Variants in SHANK2 observed in about 807,000 individuals in gnomAD.
SHANK2 encodes the protein SH3 and multiple ankyrin repeat domains protein 2.
Under a neutral mutation model 133.7 loss-of-function variants are expected in SHANK2, and 43 were observed. The observed-to-expected ratio is 0.32, with a 90% CI of 0.25 to 0.41. The LOEUF (loss-of-function observed/expected upper bound fraction) is 0.41, where lower values mean the gene tolerates loss of function less well. Among genes scored for constraint, SHANK2 ranks in the 10% least tolerant of loss-of-function variants. The pLI, the probability that SHANK2 is intolerant of heterozygous loss-of-function variation, is 1.00. For missense variants in SHANK2, 1,994 were observed against 2,235.8 expected (o/e 0.89, Z 2.18); for synonymous variants, 1,017 against 952.8 (o/e 1.07, Z -1.24).
intron 1 of SHANK2, among the ~76,000 whole-genome samples, chr11:71,250,230 A>C (rs1399710214): frequency 2.6e-5 from 4 of 152,126 alleles, no homozygotes; most frequent in Admixed American, 1.3e-4. Flanking sequence ...GTTACCTTTG[A>C]TACTTGAATT....
intron 17 of SHANK2, among the ~76,000 whole-genome samples, chr11:70,554,556 C>T (rs868963998): frequency 1.3e-5 from 2 of 152,200 alleles, no homozygotes; most frequent in Non-Finnish European, 2.9e-5. Context: ...CTCCTCCCCC[C>T]TCCCCCAGGT....
chr11:70,480,792 G>C (rs1490820948), intron 25 of SHANK2, among the ~76,000 whole-genome samples: 1 of 152,228 alleles, frequency 6.6e-6, no homozygotes, highest in African/African-American at 2.4e-5. Context: ...AAGTAGCTCA[G>C]TGAACTCCTG....
intron 17 of SHANK2, among the ~76,000 whole-genome samples, chr11:70,531,177 AAAAAC>A (rs1198589956): frequency 4.1e-5 from 6 of 146,232 alleles, no homozygotes; most frequent in Non-Finnish European, 9.0e-5. Flanking sequence ...AAAAAAAAAA[AAAAAC>A]AAAAAGGCTA....
intron 8 of SHANK2, among the ~76,000 whole-genome samples, chr11:71,085,751 T>A (rs1179292237): frequency 1.3e-5 from 1 of 77,430 alleles, no homozygotes; most frequent in Non-Finnish European, 2.2e-5. Flanking sequence ...ATATAATATA[T>A]TATGTTATAT....
intron 11 of SHANK2, among the ~76,000 whole-genome samples, chr11:70,883,776 G>A (rs556858404): frequency 2.7e-4 from 41 of 152,320 alleles, no homozygotes; most frequent in African/African-American, 9.6e-4. Flanking sequence ...CCTGGGCTAG[G>A]ACATGTGCCC....
intron 17 of SHANK2, among the ~76,000 whole-genome samples, chr11:70,618,475 C>T (rs1319025395): frequency 2.6e-5 from 4 of 152,140 alleles, no homozygotes; most frequent in Non-Finnish European, 5.9e-5. Context: ...TCTAGAATCC[C>T]AGGGCCACCC....
intron 17 of SHANK2, among the ~76,000 whole-genome samples, chr11:70,566,208 A>G (rs1397082037): frequency 1.3e-5 from 2 of 152,182 alleles, no homozygotes; most frequent in Non-Finnish European, 2.9e-5. Flanking sequence ...CCCACAACAC[A>G]TGGGAATCAT....
At chr11:70,942,989 G>A in intron 10 of SHANK2, 1 of 451,540 alleles carries the variant, frequency 2.2e-6, no homozygotes, top group Non-Finnish European at 4.5e-6. Flanking sequence ...GGAGACTTAT[G>A]CATGAACCAT....
At chr11:71,223,258 C>T (rs1005725161) in intron 2 of SHANK2, among the ~76,000 whole-genome samples, 3 of 152,228 alleles carry the variant, frequency 2.0e-5, no homozygotes, top group African/African-American at 7.2e-5. Flanking sequence ...ACATTCTGCT[C>T]CTGCCTGCCG....
intron 14 of SHANK2, among the ~76,000 whole-genome samples, chr11:70,721,065 C>G (rs1234323607): frequency 6.6e-6 from 1 of 152,212 alleles, no homozygotes; most frequent in African/African-American, 2.4e-5. Context: ...AGGTGAGATC[C>G]CTGACTGACC....
intron 17 of SHANK2, among the ~76,000 whole-genome samples, chr11:70,540,147 T>TA (rs1405812159): frequency 6.6e-6 from 1 of 152,072 alleles, no homozygotes; most frequent in Non-Finnish European, 1.5e-5. Flanking sequence ...CACTCTGAGG[T>TA]AATGGGGGTT....
intron 2 of SHANK2, among the ~76,000 whole-genome samples, chr11:71,179,302 A>G (rs534473890): frequency 3.9e-5 from 6 of 152,368 alleles, no homozygotes; most frequent in African/African-American, 1.4e-4. Context: ...CTGTTGATTT[A>G]ACATTTGAAA....
At chr11:70,803,326 C>T in intron 13 of SHANK2, among the ~76,000 whole-genome samples, 1 of 151,376 alleles carries the variant, frequency 6.6e-6, no homozygotes, top group Non-Finnish European at 1.5e-5. Context: ...GCCTACCCAT[C>T]CATCCATCTA....
chr11:70,554,327 C>T (rs1198801499), intron 17 of SHANK2, among the ~76,000 whole-genome samples: 1 of 152,206 alleles, frequency 6.6e-6, no homozygotes, highest in African/African-American at 2.4e-5. Context: ...AGATGATCAC[C>T]CACAGTGCAG....
intron 16 of SHANK2, 65 bp from the exon 17 acceptor site, chr11:70,660,017 C>T: frequency 1.2e-6 from 2 of 1,610,992 alleles, no homozygotes; most frequent in Admixed American, 1.7e-5. Context: ...CATTGCCTGA[C>T]CTCCCCACAG....
In SHANK2 at chr11:70,557,079, G is replaced by A. The variant is rs550478774; in HGVS notation, c.2062-54148C>T. Among the ~76,000 whole-genome samples the A allele has an allele frequency of 2.6e-4, 39 of 152,278 alleles. No homozygotes were observed. In the South Asian group the frequency reaches 7.5e-3, roughly 29 times the overall value. ...CCATAAATGTAGTGGCATTGCTGGT[G>A]TGACTCAGAAGGACCCAACCACTTC... On this transcript the variant is annotated intron_variant, in intron 17 of 25. Transcript: ENST00000601538.
chr11:70,502,257 T>A lies in SHANK2; in HGVS notation c.2227A>T (p.Thr743Ser). 6.4e-7 allele frequency: 1 copy of A among 1,558,524 alleles called. No homozygotes were observed. The highest frequency in any genetic ancestry group is 8.7e-7 in the Non-Finnish European group (1 of 1,149,956). ...APPPPKRAPT[T>S]ALTLRSKSMT... The stretch of plus-strand genomic sequence containing the variant: ...GACTTGGAGCGCAGGGTGAGGGCTG[T>A]GGTCGGTGCCCGCTTTGGAGGCGGG... The change falls in exon 19 of 26, where the codon ACA becomes TCA. Residue 743 changes from threonine (T) to serine (S), a missense_variant. By Grantham distance (58) the Thr-to-Ser change is moderately conservative. Around this residue, in one of 5 missense-constraint regions of SHANK2, gnomAD observed 488 missense variants for 642.6 expected, o/e 0.76. Coordinates refer to ENST00000601538, the MANE Select transcript of SHANK2 (RefSeq NM_012309.5).
intron 3 of SHANK2, among the ~76,000 whole-genome samples, chr11:71,128,377 G>A (rs1237901431): frequency 2.6e-5 from 4 of 152,170 alleles, no homozygotes; most frequent in African/African-American, 9.7e-5. Context: ...GCAAATGGAT[G>A]TAACGAGATC....
chr11:70,643,565 CGGA>C (rs1555007138), intron 17 of SHANK2, among the ~76,000 whole-genome samples: 3 of 112,742 alleles, frequency 2.7e-5, no homozygotes, highest in African/African-American at 1.2e-4. Context: ...GACTCCGTCT[CGGA>C]AAAAAAAAAA....
Sources: gnomAD v4.1 joint callset for allele counts (sites outside exome capture counted in the v4.1 genomes callset) on GRCh38, gnomAD v4.1.1 for gene constraint, gnomAD v4.1.1 regional missense constraint, MANE v1.5 for transcripts, NCBI Gene and HGNC (gene_info 2026-07-23, HGNC 2026-07-21) for gene names.